The following ZNF385B variants were observed in gnomAD, a reference collection of about 807,000 sequenced individuals.
ZNF385B encodes the protein zinc finger protein 533.
Under a neutral mutation model 39.2 loss-of-function variants are expected in ZNF385B, and 23 were observed. The ratio of observed to expected loss-of-function variants is 0.59; its 90% CI spans 0.42 to 0.83. The LOEUF is 0.83. Among genes scored for constraint, ZNF385B ranks in the 40% least tolerant of loss-of-function variants. The probability of loss-of-function intolerance (pLI) is 0.00; values close to 1 mark genes in which losing one functional copy is unlikely to be tolerated. For synonymous variants in ZNF385B, 205 were observed against 222.6 expected (o/e 0.92, Z 0.70); for missense variants, 552 against 598.9 (o/e 0.92, Z 0.82).
At chr2:179,478,546 A>G (rs755672082) in intron 6 of ZNF385B, among the ~76,000 whole-genome samples, 8 of 152,226 alleles carry the variant, frequency 5.3e-5, no homozygotes, top group Non-Finnish European at 7.3e-5. Context: ...TGGCTCAATT[A>G]TCTTTGCTCT....
chr2:179,740,530 T>C (rs1702027255), intron 3 of ZNF385B, among the ~76,000 whole-genome samples: 1 of 152,202 alleles, frequency 6.6e-6, no homozygotes, highest in African/African-American at 2.4e-5. Context: ...TTAACTTACC[T>C]TTCAGCACCT....
chr2:179,592,102 A>G (rs1687613989), intron 3 of ZNF385B, among the ~76,000 whole-genome samples: 1 of 152,220 alleles, frequency 6.6e-6, no homozygotes, highest in Non-Finnish European at 1.5e-5. Context: ...AAGAATAAAT[A>G]GCTACGAATC....
chr2:179,819,544 T>C (rs1707276705), intron 1 of ZNF385B, among the ~76,000 whole-genome samples: 1 of 152,326 alleles, frequency 6.6e-6, no homozygotes, highest in East Asian at 1.9e-4. Context: ...CATTCCTTCT[T>C]GGCCAACCTA....
rs530198920 is a variant in ZNF385B at position 179,725,930 on chromosome 2, A to G, written c.298+43573T>C. The stretch of plus-strand genomic sequence containing the variant: ...TGTGTGTATATATATATATATATAT[A>G]TATGTGTATATACAGAGAGAGAGAT... On this transcript the variant is annotated intron_variant, in intron 3 of 9. Coordinates refer to ENST00000410066, the MANE Select transcript of ZNF385B (RefSeq NM_152520.6). 3.5e-5 allele frequency among the ~76,000 whole-genome samples: 5 copies of G among 140,852 alleles called. 1 individual carries two copies. In the South Asian group the frequency reaches 1.1e-3, roughly 30 times the overall value. 92.4% of individuals were successfully genotyped at this position (140,852 alleles called of 152,430 possible).
At chr2:179,740,079 T>C (rs1701999164) in intron 3 of ZNF385B, among the ~76,000 whole-genome samples, 1 of 152,198 alleles carries the variant, frequency 6.6e-6, no homozygotes, top group South Asian at 2.1e-4. Flanking sequence ...TACTCCTGGA[T>C]ATTTTGAAAT....
intron 3 of ZNF385B, among the ~76,000 whole-genome samples, chr2:179,712,840 G>A (rs1254645095): frequency 1.3e-5 from 2 of 152,056 alleles, no homozygotes; most frequent in Non-Finnish European, 2.9e-5. Context: ...ATAATGGTTT[G>A]GCTTATTAAC....
intron 1 of ZNF385B, chr2:179,860,688 C>T: frequency 3.1e-6 from 1 of 324,536 alleles, no homozygotes; most frequent in South Asian, 2.3e-5. Flanking sequence ...TACCCATTTC[C>T]CGGTCATTGA....
chr2:179,620,839 G>C (rs1212278284), intron 3 of ZNF385B, among the ~76,000 whole-genome samples: 1 of 152,020 alleles, frequency 6.6e-6, no homozygotes, highest in African/African-American at 2.4e-5. Context: ...GCTTCAGTTT[G>C]CATTTTCTTT....
At position 179,730,791 on chromosome 2, in the gene ZNF385B, G is replaced by A. The variant is rs571944045; in HGVS notation, c.298+38712C>T. ...TGTGAAGTAATAGAAAAATTATTAT[G>A]ATACAAAGGGAAATAGAATGGTAAC... On this transcript the variant is annotated intron_variant, in intron 3 of 9. Transcript: ENST00000410066. 2.6e-5 allele frequency among the ~76,000 whole-genome samples: 4 copies of A among 152,242 alleles called. No homozygotes were observed. In the South Asian group the frequency reaches 6.2e-4, roughly 24 times the overall value.
chr2:179,581,789 G>C (rs949102017), intron 3 of ZNF385B, among the ~76,000 whole-genome samples: 4 of 152,178 alleles, frequency 2.6e-5, no homozygotes, highest in African/African-American at 9.7e-5. Flanking sequence ...ATAACTTCCA[G>C]GTCATGCCCT....
chr2:179,564,852 C>T (rs947499275), intron 3 of ZNF385B, among the ~76,000 whole-genome samples: 9 of 152,138 alleles, frequency 5.9e-5, no homozygotes, highest in Non-Finnish European at 1.0e-4. Flanking sequence ...AATTAAACTA[C>T]TTATCCCAGC....
intron 3 of ZNF385B, among the ~76,000 whole-genome samples, chr2:179,724,515 C>G (rs1399101153): frequency 6.6e-6 from 1 of 151,918 alleles, no homozygotes; most frequent in African/African-American, 2.4e-5. Flanking sequence ...TATAATTTAC[C>G]CTATTAAGAA....
chr2:179,497,723 A>G (rs2056373407), intron 5 of ZNF385B, among the ~76,000 whole-genome samples: 1 of 152,068 alleles, frequency 6.6e-6, no homozygotes, highest in Non-Finnish European at 1.5e-5. Context: ...TTACTTATCA[A>G]TAACATTGAA....
chr2:179,568,155 A>G (rs568649188), intron 3 of ZNF385B, among the ~76,000 whole-genome samples: 63 of 152,066 alleles, frequency 4.1e-4, no homozygotes, highest in African/African-American at 1.4e-3. Flanking sequence ...TCTCTTTCCC[A>G]AACACATCAC....
chr2:179,837,419 G>GT (rs1559238775), intron 1 of ZNF385B, among the ~76,000 whole-genome samples: 2 of 152,134 alleles, frequency 1.3e-5, no homozygotes. Flanking sequence ...GACATAGAAA[G>GT]TATTATTGTT....
At chr2:179,629,764 C>G (rs538017506) in intron 3 of ZNF385B, among the ~76,000 whole-genome samples, 1 of 152,288 alleles carries the variant, frequency 6.6e-6, no homozygotes, top group Admixed American at 6.5e-5. Flanking sequence ...CTTTCCTAGC[C>G]AAGGGAAGCC....
intron 1 of ZNF385B, among the ~76,000 whole-genome samples, chr2:179,805,545 C>T (rs1706297068): frequency 6.6e-6 from 1 of 152,124 alleles, no homozygotes; most frequent in Non-Finnish European, 1.5e-5. Flanking sequence ...CTTTTTATGT[C>T]TGTGTCTTCT....
At chr2:179,702,483 C>T (rs1699283463) in intron 3 of ZNF385B, among the ~76,000 whole-genome samples, 1 of 152,228 alleles carries the variant, frequency 6.6e-6, no homozygotes, top group South Asian at 2.1e-4. Flanking sequence ...TATTGAAAAG[C>T]GATCCACGTG....
intron 1 of ZNF385B, among the ~76,000 whole-genome samples, chr2:179,792,540 A>AT (rs1213068061): frequency 2.7e-5 from 4 of 150,464 alleles, no homozygotes; most frequent in Non-Finnish European, 4.4e-5. Flanking sequence ...TGCCTGGCTA[A>AT]TTTTTTGTAT....
Sources: gnomAD v4.1 joint callset for allele counts (sites outside exome capture counted in the v4.1 genomes callset) on GRCh38, gnomAD v4.1.1 for gene constraint, MANE v1.5 for transcripts, NCBI Gene and HGNC (gene_info 2026-07-23, HGNC 2026-07-21) for gene names.